The following MME variants were observed in gnomAD, a reference collection of about 807,000 sequenced individuals.
MME encodes neprilysin.
MME carries 98 observed loss-of-function variants against 113.2 expected under a neutral mutation model. That is an observed-to-expected ratio of 0.87 (90% confidence interval 0.74 to 1.02). The LOEUF (loss-of-function observed/expected upper bound fraction) is 1.02. Ranked by LOEUF, MME falls within the 50% of genes least tolerant of loss-of-function variation. The pLI is 0.00. For synonymous variants in MME, 292 were observed against 300.6 expected (o/e 0.97, Z 0.30); for missense variants, 836 against 896.0 (o/e 0.93, Z 0.86).
rs946696359 is a variant in MME at position 155,168,595 on chromosome 3, C to T, written c.1884C>T (p.Asn628=). Residue 628 remains asparagine, a synonymous_variant, in exon 19 of 23, where the codon AAC becomes AAT. Transcript: ENST00000360490. ...QSQCMVYQYG[N]FSWDLAGGQH... is the part of the protein sequence containing the mutation. The stretch of plus-strand genomic sequence containing the variant: ...AGTGCATGGTGTATCAGTATGGAAA[C>T]TTTTCCTGGGACCTGGCAGGTGGAC... 1 of 1,613,834 alleles carries T rather than the reference C, an allele frequency of 6.2e-7. No individual in the cohort carries two copies. The highest frequency in any genetic ancestry group is 8.5e-7 in the Non-Finnish European group (1 of 1,179,836).
intron 3 of MME, among the ~76,000 whole-genome samples, chr3:155,108,995 C>G (rs975006846): frequency 8.5e-5 from 13 of 152,228 alleles, no homozygotes; most frequent in African/African-American, 2.6e-4. Context: ...TCCCGTGTAA[C>G]TGGAATTTCA....
chr3:155,178,258 A>G (rs1308036138), intron 22 of MME, among the ~76,000 whole-genome samples: 7 of 152,152 alleles, frequency 4.6e-5, no homozygotes, highest in Non-Finnish European at 1.0e-4. Context: ...AAACAACCAG[A>G]AAAGATTACA....
intron 3 of MME, among the ~76,000 whole-genome samples, chr3:155,111,237 C>T (rs748047597): frequency 1.2e-4 from 18 of 152,148 alleles, no homozygotes; most frequent in Admixed American, 2.0e-4. Flanking sequence ...ATCAAACCCA[C>T]GATAAGAGAT....
At chr3:155,171,145 G>T (rs943954524) in intron 20 of MME, among the ~76,000 whole-genome samples, 3 of 152,140 alleles carry the variant, frequency 2.0e-5, no homozygotes, top group Non-Finnish European at 4.4e-5. Context: ...CTCACCTAGA[G>T]CAAGTACAGA....
At chr3:155,095,662 A>C (rs921968644) in intron 3 of MME, among the ~76,000 whole-genome samples, 2 of 152,118 alleles carry the variant, frequency 1.3e-5, no homozygotes, top group Non-Finnish European at 2.9e-5. Flanking sequence ...CAACAGGCAC[A>C]TGCCACCATA....
intron 14 of MME, among the ~76,000 whole-genome samples, chr3:155,145,843 A>G (rs545062026): frequency 6.6e-5 from 10 of 152,290 alleles, no homozygotes; most frequent in Admixed American, 3.9e-4. Flanking sequence ...TAAATAAAGT[A>G]TCATTAAGTG....
At chr3:155,028,377 T>C (rs534102975) in intron 1 of MME, among the ~76,000 whole-genome samples, 50 of 152,256 alleles carry the variant, frequency 3.3e-4, no homozygotes, top group African/African-American at 1.1e-3. Context: ...GAGCCAGCCA[T>C]GTAATAATCT....
At chr3:155,133,054 A>ATATATATATATATATAT (rs1376707409) in intron 8 of MME, among the ~76,000 whole-genome samples, 1 of 86,158 alleles carries the variant, frequency 1.2e-5, no homozygotes, top group African/African-American at 4.5e-5. Context: ...AAAAAAAAAA[A>ATATATATATATATATAT]AAAAAAAAAT....
chr3:155,102,413 A>G (rs977183661), intron 3 of MME, among the ~76,000 whole-genome samples: 6 of 152,148 alleles, frequency 3.9e-5, no homozygotes, highest in Non-Finnish European at 8.8e-5. Flanking sequence ...GTCATTTCTC[A>G]AAAATTGTGC....
rs1314746420 is a variant in MME, at chr3:155,063,213, A to G, written c.-10-20945A>G. Among the ~76,000 whole-genome samples, 7 of 119,830 alleles carry G rather than the reference A, an allele frequency of 5.8e-5. No individual in the cohort carries two copies. The East Asian group carries it at 1.4e-3, about 23-fold the overall frequency. The allele number at this position is 119,830 out of a possible 152,430, so 78.6% of individuals were successfully genotyped here. Reference sequence around the variant, plus strand: ...ATATATTATTTATATATTATATAATAATATACATATGTATATTATTATATA... The same window carrying G: ...ATATATTATTTATATATTATATAATGATATACATATGTATATTATTATATA... On this transcript the variant is annotated intron_variant, in intron 1 of 22. Coordinates refer to the MME transcript ENST00000492661.
chr3:155,117,541 C>T (rs1718721539), intron 7 of MME, among the ~76,000 whole-genome samples: 1 of 149,694 alleles, frequency 6.7e-6, no homozygotes, highest in South Asian at 2.1e-4. Context: ...AGATTAATGA[C>T]TATGTTTGGA....
chr3:155,114,092 G>A (rs1718401825), intron 3 of MME, among the ~76,000 whole-genome samples: 2 of 152,172 alleles, frequency 1.3e-5, no homozygotes, highest in Admixed American at 6.5e-5. Context: ...AAGCTCATCT[G>A]AGAGCTTATA....
At chr3:155,169,207 T>TA (rs1390251014) in intron 20 of MME, among the ~76,000 whole-genome samples, 1 of 152,144 alleles carries the variant, frequency 6.6e-6, no homozygotes, top group African/African-American at 2.4e-5. Flanking sequence ...GCAGGTGAAG[T>TA]AGCATTTGGG....
At position 155,085,091 on chromosome 3, in the gene MME, T is replaced by C. The variant is rs201910473; in HGVS notation, c.193T>C (p.Ser65Pro). The part of the protein sequence containing the change: ...GICKSSDCIK[S>P]AARLIQNMDA... ...TTGCAAGTCATCAGACTGCATAAAATCAGGTAAGAAATGGTTTTTACGTGT... is the reference window on the plus strand; with the variant it reads ...TTGCAAGTCATCAGACTGCATAAAACCAGGTAAGAAATGGTTTTTACGTGT... Residue 65 changes from serine to proline, a missense_variant, in exon 3 of 23, where the codon TCA (serine) becomes CCA (proline). Ser to Pro is a moderately conservative substitution (Grantham distance 74, BLOSUM62 -1). Transcript: ENST00000360490. The C allele has an allele frequency of 1.2e-5, 19 of 1,581,446 alleles. No homozygotes were observed. The highest frequency in any genetic ancestry group is 1.6e-5 in the Non-Finnish European group (19 of 1,154,288).
intron 1 of MME, among the ~76,000 whole-genome samples, chr3:155,068,432 G>A (rs1178052961): frequency 6.6e-6 from 1 of 152,132 alleles, no homozygotes; most frequent in Non-Finnish European, 1.5e-5. Context: ...ACTTAAATAT[G>A]TGCAGTTTAT....
intron 3 of MME, among the ~76,000 whole-genome samples, chr3:155,097,679 C>G (rs563101930): frequency 6.6e-6 from 1 of 152,236 alleles, no homozygotes; most frequent in East Asian, 1.9e-4. Context: ...GCCAAGATGG[C>G]TGAAATGCAA....
At chr3:155,145,467 G>A (rs1205211118) in intron 14 of MME, among the ~76,000 whole-genome samples, 1 of 152,024 alleles carries the variant, frequency 6.6e-6, no homozygotes, top group South Asian at 2.1e-4. Context: ...TTATTTCACT[G>A]CTTATCATTG....
At chr3:155,131,483 A>T (rs1253989032) in intron 8 of MME, among the ~76,000 whole-genome samples, 2 of 152,180 alleles carry the variant, frequency 1.3e-5, no homozygotes, top group African/African-American at 4.8e-5. Context: ...ATCTGTGTTT[A>T]AGAAAACAAA....
intron 7 of MME, among the ~76,000 whole-genome samples, chr3:155,118,255 C>T (rs1446832702): frequency 2.0e-5 from 3 of 152,188 alleles, no homozygotes; most frequent in Admixed American, 6.5e-5. Context: ...TTCCACTTCT[C>T]CCCTTCTCCC....
Sources: allele counts gnomAD v4.1 joint callset (sites outside exome capture counted in the v4.1 genomes callset), GRCh38; gene constraint gnomAD v4.1.1; transcripts MANE v1.5; gene names NCBI Gene and HGNC (gene_info 2026-07-23, HGNC 2026-07-21).